SAMD5: variants seen among roughly 807,000 people sequenced by gnomAD.
SAMD5 encodes the protein sterile alpha motif domain containing 5.
A neutral mutation model predicts 11.3 loss-of-function variants in SAMD5; 13 were observed. That is an observed-to-expected ratio of 1.15 (90% CI 0.75 to 1.83). The LOEUF (loss-of-function observed/expected upper bound fraction) is 1.83, where lower values mean the gene tolerates loss of function less well. SAMD5 is among the 40% of genes most tolerant of loss of function. The probability of loss-of-function intolerance (pLI) is 0.00; values close to 1 mark genes in which losing one functional copy is unlikely to be tolerated. For synonymous variants in SAMD5, 129 were observed against 111.3 expected, an observed-to-expected ratio of 1.16 and a Z score of -1.00; for missense variants, 255 against 239.1, an observed-to-expected ratio of 1.07 and a Z score of -0.44.
intron 1 of SAMD5, among the ~76,000 whole-genome samples, chr6:147,708,986 G>T (rs947122285): frequency 6.6e-6 from 1 of 152,178 alleles, no homozygotes; most frequent in African/African-American, 2.4e-5. Flanking sequence ...GTGTTAAAAT[G>T]TTGCCTCCTG....
At chr6:147,552,238 C>T (rs974574469) in intron 1 of SAMD5, among the ~76,000 whole-genome samples, 2 of 152,160 alleles carry the variant, frequency 1.3e-5, no homozygotes, top group African/African-American at 4.8e-5. Context: ...AGAGGAAATA[C>T]AGCTATTCTG....
chr6:147,888,530 GT>G, the SAMD5 span, among the ~76,000 whole-genome samples: 1 of 152,066 alleles, frequency 6.6e-6, no homozygotes, highest in Non-Finnish European at 1.5e-5. Context: ...TGAGAAATCT[GT>G]TGTCATACTT....
the SAMD5 span, among the ~76,000 whole-genome samples, chr6:147,907,757 A>G: frequency 6.6e-6 from 1 of 152,276 alleles, no homozygotes; most frequent in East Asian, 1.9e-4. Flanking sequence ...AAAAATGCAG[A>G]TATTCCCAAG....
chr6:147,669,091 A>C (rs1033388123), intron 1 of SAMD5, among the ~76,000 whole-genome samples: 1 of 152,122 alleles, frequency 6.6e-6, no homozygotes, highest in African/African-American at 2.4e-5. Context: ...AAATAAGACA[A>C]CAATGAAATT....
At chr6:147,660,442 AACAG>A (rs1790631913) in intron 1 of SAMD5, among the ~76,000 whole-genome samples, 1 of 152,102 alleles carries the variant, frequency 6.6e-6, no homozygotes, top group Non-Finnish European at 1.5e-5. Flanking sequence ...TGTTGGGCAA[AACAG>A]ACATTTCCAG....
chr6:147,944,109 C>T, the SAMD5 span, among the ~76,000 whole-genome samples: 2 of 152,252 alleles, frequency 1.3e-5, no homozygotes, highest in South Asian at 2.1e-4. Context: ...AGCTTCCATC[C>T]AATTTTCCCT....
chr6:147,664,058 A>G (rs777070045), intron 1 of SAMD5, among the ~76,000 whole-genome samples: 13 of 152,270 alleles, frequency 8.5e-5, no homozygotes, highest in Non-Finnish European at 1.6e-4. Context: ...GAGAAATCTC[A>G]AGGACCACTG....
At chr6:147,549,912 C>G (rs1244411873) in intron 1 of SAMD5, among the ~76,000 whole-genome samples, 3 of 151,132 alleles carry the variant, frequency 2.0e-5, no homozygotes, top group Admixed American at 6.6e-5. Flanking sequence ...TAAGTTCTCC[C>G]TTCCCCCATT....
the SAMD5 span, among the ~76,000 whole-genome samples, chr6:147,802,004 T>A: frequency 6.6e-6 from 1 of 152,172 alleles, no homozygotes; most frequent in Non-Finnish European, 1.5e-5. Context: ...CCTTGGGACA[T>A]GCAGAGATTT....
chr6:147,795,420 A>G, the SAMD5 span, among the ~76,000 whole-genome samples: 1 of 140,326 alleles, frequency 7.1e-6, no homozygotes, highest in African/African-American at 2.8e-5. Flanking sequence ...GCTGCATAGT[A>G]TTCCATGGTG....
the SAMD5 span, among the ~76,000 whole-genome samples, chr6:147,954,443 T>C: frequency 3.8e-4 from 58 of 152,282 alleles, no homozygotes; most frequent in African/African-American, 1.3e-3. Flanking sequence ...ACGGTAGCCA[T>C]TGGAACATTA....
intron 1 of SAMD5, among the ~76,000 whole-genome samples, chr6:147,575,772 AC>A (rs1789208809): frequency 6.6e-6 from 1 of 152,120 alleles, no homozygotes; most frequent in Admixed American, 6.5e-5. Flanking sequence ...GACATGATTT[AC>A]CCTGTGGATA....
chr6:147,692,504 A>T (rs1410247287), intron 1 of SAMD5: 1 of 152,212 alleles, frequency 6.6e-6, no homozygotes, highest in Non-Finnish European at 1.5e-5. Flanking sequence ...CTAGATAAAC[A>T]CCAAGAAGGT....
At chr6:147,589,319 T>A (rs920106944) in intron 1 of SAMD5, among the ~76,000 whole-genome samples, 8 of 152,198 alleles carry the variant, frequency 5.3e-5, no homozygotes, top group African/African-American at 1.9e-4. Flanking sequence ...GTAATTTATA[T>A]GTTAGTCCAT....
chr6:147,950,350 G>GC, the SAMD5 span, among the ~76,000 whole-genome samples: 2 of 152,122 alleles, frequency 1.3e-5, no homozygotes. Context: ...CCTATCTGCA[G>GC]CCCCCAGCCT....
chr6:147,626,055 G>T (rs746955417), intron 1 of SAMD5, among the ~76,000 whole-genome samples: 1 of 152,108 alleles, frequency 6.6e-6, no homozygotes, highest in Non-Finnish European at 1.5e-5. Context: ...GGAGTTGAGG[G>T]AGGGTATAGG....
At chr6:147,554,945 T>C (rs1303588020) in intron 1 of SAMD5, among the ~76,000 whole-genome samples, 1 of 152,180 alleles carries the variant, frequency 6.6e-6, no homozygotes, top group East Asian at 1.9e-4. Context: ...AATGTGATGT[T>C]ATTTGCCTCT....
At chr6:147,713,796 G>A (rs1209307899) in intron 1 of SAMD5, among the ~76,000 whole-genome samples, 1 of 151,918 alleles carries the variant, frequency 6.6e-6, no homozygotes, top group Non-Finnish European at 1.5e-5. Context: ...GTGAGACAAG[G>A]GTAAGCTGTA....
the SAMD5 span, among the ~76,000 whole-genome samples, chr6:147,819,463 A>G: frequency 6.6e-6 from 1 of 152,206 alleles, no homozygotes; most frequent in Non-Finnish European, 1.5e-5. Context: ...AAAACACAAC[A>G]AAAATCAGAT....
Sources: allele counts gnomAD v4.1 joint callset (sites outside exome capture counted in the v4.1 genomes callset), GRCh38; gene constraint gnomAD v4.1.1; transcripts MANE v1.5; gene names NCBI Gene and HGNC (gene_info 2026-07-23, HGNC 2026-07-21).